The following RBFOX1 variants were observed in gnomAD, a reference collection of about 807,000 sequenced individuals.
RBFOX1 encodes the protein RNA binding fox-1 homolog 1, also known as RNA binding protein fox-1 homolog 1.
A neutral mutation model predicts 57.7 loss-of-function variants in RBFOX1; 8 were observed. The observed-to-expected ratio is 0.14, with a 90% CI of 0.08 to 0.25. The LOEUF is 0.25. Among genes scored for constraint, RBFOX1 ranks in the 10% least tolerant of loss-of-function variants. RBFOX1 has a pLI of 1.00. For missense variants in RBFOX1, 611 were observed against 548.5 expected (o/e 1.11, Z -1.14); for synonymous variants, 326 against 222.4 (o/e 1.47, Z -4.15).
At chr16:6,272,415 C>G (rs917842718) in intron 1 of RBFOX1, among the ~76,000 whole-genome samples, 1 of 152,090 alleles carries the variant, frequency 6.6e-6, no homozygotes, top group Admixed American at 6.6e-5. Context: ...CCAAATACAA[C>G]TTATATGTGA....
chr16:6,651,023 C>G (rs1384940459), intron 2 of RBFOX1, among the ~76,000 whole-genome samples: 2 of 152,208 alleles, frequency 1.3e-5, no homozygotes, highest in Admixed American at 6.5e-5. Context: ...TTGTCTCAGC[C>G]TCCTGAGTAG....
rs546935411 is a variant in RBFOX1 at position 7,560,697 on chromosome 16, G to A, written c.271-19080G>A. On this transcript the variant is annotated intron_variant, in intron 5 of 15. Coordinates refer to ENST00000550418, the MANE Select transcript of RBFOX1 (RefSeq NM_018723.4). ...GGCGAGTGACTTTCTCAGTCACACA[G>A]CATCATGTCTACCACCCAAGTCTCA... 6.6e-5 allele frequency among the ~76,000 whole-genome samples: 10 copies of A among 152,180 alleles called. No homozygotes were observed. In the East Asian group the frequency reaches 1.4e-3, roughly 21 times the overall value.
rs550079306 is a variant in RBFOX1 at position 5,696,573 on chromosome 16, T to C, written c.318+97612T>C. ...TTTACCGCATATTTCTAAAACCATC[T>C]CCAGAATGCACTGAAGTCTTTACTA... On this transcript the variant is annotated intron_variant, in intron 3 of 19. Transcript: ENST00000641259. Among the ~76,000 whole-genome samples the C allele has an allele frequency of 2.0e-4, 31 of 152,352 alleles. No homozygotes were observed. In the South Asian group the frequency reaches 5.8e-3, roughly 28 times the overall value.
In RBFOX1 at chr16:6,637,564, T is replaced by G. The variant is rs4990072; in HGVS notation, c.-63-17039T>G. Among the ~76,000 whole-genome samples the G allele has an allele frequency of 1.2e-3, 159 of 128,428 alleles. 5 individuals carry two copies. Among genetic ancestry groups the G allele is most frequent in the South Asian group, 4.0e-3 (18 of 4,492 alleles). 84.3% of individuals were successfully genotyped at this position (128,428 alleles called of 152,430 possible). A position where few individuals can be genotyped will look rare whatever the true frequency, so the allele number is the denominator to read the frequency against. Reference sequence around the variant, plus strand: ...TACAATCTGCATAGTATATATAATATTCTATATAGTATATATATAATAGTC... The same window carrying G: ...TACAATCTGCATAGTATATATAATAGTCTATATAGTATATATATAATAGTC... On this transcript the variant is annotated intron_variant, in intron 2 of 15. Transcript: ENST00000550418.
At chr16:7,359,587 C>T (rs1240308352) in intron 4 of RBFOX1, among the ~76,000 whole-genome samples, 1 of 152,174 alleles carries the variant, frequency 6.6e-6, no homozygotes, top group Non-Finnish European at 1.5e-5. Context: ...GGATTTGGGG[C>T]TCTTGAGTTA....
intron 3 of RBFOX1, among the ~76,000 whole-genome samples, chr16:6,897,613 G>A (rs900575092): frequency 2.0e-5 from 3 of 152,110 alleles, no homozygotes; most frequent in African/African-American, 7.2e-5. Context: ...CCAACATGGT[G>A]AAACCCCATC....
rs9924400 is a variant in RBFOX1 at position 7,705,342 on chromosome 16, T to C, written c.996-3714T>C. On this transcript the variant is annotated intron_variant, in intron 14 of 15. Transcript: ENST00000550418. ...TAACACAGTGAAGCCCCATATCTAC[T>C]AAAAATAGAAAAATTAGCTGGGTGT... Among the ~76,000 whole-genome samples the C allele has an allele frequency of 3.0e-3, 457 of 151,942 alleles. 1 individual carries two copies. The highest frequency in any genetic ancestry group is 0.01 in the African/African-American group (429 of 41,444).
intron 3 of RBFOX1, among the ~76,000 whole-genome samples, chr16:6,763,622 C>T (rs1459744708): frequency 6.6e-6 from 1 of 152,180 alleles, no homozygotes; most frequent in Non-Finnish European, 1.5e-5. Context: ...TCCAGTGTCT[C>T]ACCAATTACG....
At chr16:7,446,953 C>T (rs1053493851) in intron 4 of RBFOX1, among the ~76,000 whole-genome samples, 9 of 151,544 alleles carry the variant, frequency 5.9e-5, no homozygotes, top group Non-Finnish European at 1.2e-4. Context: ...GCTGGGACTA[C>T]AGGTGCCCGC....
intron 9 of RBFOX1, among the ~76,000 whole-genome samples, chr16:7,604,084 T>TG (rs1429751069): frequency 2.0e-5 from 3 of 152,088 alleles, no homozygotes; most frequent in African/African-American, 7.2e-5. Flanking sequence ...GGATCACACA[T>TG]GGGGTATGAG....
rs548231000 is a variant in RBFOX1, at chr16:5,943,393, C to T, written c.351+76058C>T. On this transcript the variant is annotated intron_variant, in intron 4 of 19. Coordinates refer to the RBFOX1 transcript ENST00000641259. Reference sequence around the variant, plus strand: ...AAGCCTTGTAGGGTTTCCCTGGGTCCACATACCCAGGTGCTCGTTTAAGTG... The same window carrying T: ...AAGCCTTGTAGGGTTTCCCTGGGTCTACATACCCAGGTGCTCGTTTAAGTG... 4.6e-5 allele frequency among the ~76,000 whole-genome samples: 7 copies of T among 152,284 alleles called. No individual in the cohort carries two copies. In the South Asian group the frequency reaches 1.5e-3, roughly 32 times the overall value.
At chr16:5,495,463 C>A (rs1025305997) in intron 2 of RBFOX1, among the ~76,000 whole-genome samples, 1 of 152,204 alleles carries the variant, frequency 6.6e-6, no homozygotes, top group African/African-American at 2.4e-5. Flanking sequence ...TACCAGGCCT[C>A]ACCTCCAACA....
chr16:5,669,054 T>C (rs1334189824), intron 3 of RBFOX1, among the ~76,000 whole-genome samples: 1 of 152,138 alleles, frequency 6.6e-6, no homozygotes, highest in Non-Finnish European at 1.5e-5. Context: ...ACCCACATAA[T>C]GGCACTTGGA....
chr16:5,764,300 T>C (rs2151654335), intron 3 of RBFOX1, among the ~76,000 whole-genome samples: 1 of 152,334 alleles, frequency 6.6e-6, no homozygotes, highest in Admixed American at 6.5e-5. Context: ...TCTGCCTCAA[T>C]GCTGGAAGGT....
At chr16:7,259,196 T>C (rs959086794) in intron 4 of RBFOX1, among the ~76,000 whole-genome samples, 2 of 152,198 alleles carry the variant, frequency 1.3e-5, no homozygotes, top group Admixed American at 6.5e-5. Flanking sequence ...TATGAAGTTA[T>C]CACTTGAGTA....
At chr16:6,209,195 G>A (rs2097275607) in intron 1 of RBFOX1, among the ~76,000 whole-genome samples, 1 of 152,174 alleles carries the variant, frequency 6.6e-6, no homozygotes, top group Admixed American at 6.5e-5. Flanking sequence ...TTTGGTTGGT[G>A]TGAAGCTGCT....
chr16:6,848,028 T>C (rs2093854296), intron 3 of RBFOX1, among the ~76,000 whole-genome samples: 2 of 152,030 alleles, frequency 1.3e-5, no homozygotes, highest in South Asian at 2.1e-4. Context: ...CACGGGGTCT[T>C]ACCATGTTGG....
intron 2 of RBFOX1, among the ~76,000 whole-genome samples, chr16:5,540,920 G>A (rs987761982): frequency 6.6e-6 from 1 of 151,992 alleles, no homozygotes; most frequent in African/African-American, 2.4e-5. Flanking sequence ...TGTGATCTCG[G>A]CTCACTGCAA....
intron 1 of RBFOX1, among the ~76,000 whole-genome samples, chr16:6,244,540 G>C (rs757110536): frequency 1.3e-5 from 2 of 152,158 alleles, no homozygotes; most frequent in Non-Finnish European, 2.9e-5. Flanking sequence ...GTCTCCCTCT[G>C]TAGCCCAGGC....
Sources: allele counts gnomAD v4.1 joint callset (sites outside exome capture counted in the v4.1 genomes callset), GRCh38; gene constraint gnomAD v4.1.1; transcripts MANE v1.5; gene names NCBI Gene and HGNC (gene_info 2026-07-23, HGNC 2026-07-21).